PLCL1: variants seen among roughly 807,000 people sequenced by gnomAD.
PLCL1 encodes phospholipase C like 1 (inactive).
A neutral mutation model predicts 84.4 loss-of-function variants in PLCL1; 41 were observed. That is an observed-to-expected ratio of 0.49 (90% confidence interval 0.38 to 0.63). PLCL1 has a LOEUF of 0.63. Ranked by LOEUF, PLCL1 falls within the 30% of genes least tolerant of loss-of-function variation. The pLI is 0.00. For synonymous variants in PLCL1, 490 were observed against 488.3 expected, an observed-to-expected ratio of 1.00 and a Z score of -0.05; for missense variants, 1,206 against 1,367.8, an observed-to-expected ratio of 0.88 and a Z score of 1.87.
At chr2:197,825,545 A>T (rs925686545) in intron 1 of PLCL1, among the ~76,000 whole-genome samples, 11 of 152,170 alleles carry the variant, frequency 7.2e-5, no homozygotes, top group Non-Finnish European at 1.5e-4. Flanking sequence ...AGTGCTAAGC[A>T]TGTACTTGAT....
chr2:198,101,386 GTT>G, intron 4 of PLCL1, 26 bp downstream of exon 4: 1 of 1,104,980 alleles, frequency 9.0e-7, no homozygotes. Context: ...TTTTTTTTCT[GTT>G]TTTTTTTTCT....
At chr2:198,050,827 C>T (rs764707190) in intron 1 of PLCL1, among the ~76,000 whole-genome samples, 3 of 152,146 alleles carry the variant, frequency 2.0e-5, no homozygotes, top group Non-Finnish European at 4.4e-5. Context: ...TCTCCCATAT[C>T]CAAAAGAACA....
chr2:198,101,377 T>C lies in PLCL1; in HGVS notation c.2995+17T>C. The C allele has an allele frequency of 7.4e-7, 1 of 1,346,104 alleles. No individual in the cohort carries two copies. The highest frequency in any genetic ancestry group is 1.0e-6 in the Non-Finnish European group (1 of 966,376). 83.4% of individuals were successfully genotyped at this position (1,346,104 alleles called of 1,614,324 possible). A position where few individuals can be genotyped will look rare whatever the true frequency, so the allele number is the denominator to read the frequency against. ...AGAAAGCAGGTAATTGTTTTTAATT[T>C]TTTTTTCTGTTTTTTTTTTCTATTT... On this transcript the variant is annotated intron_variant, in intron 4 of 5. Coordinates refer to ENST00000428675, the MANE Select transcript of PLCL1 (RefSeq NM_006226.4).
In PLCL1 at chr2:197,974,686, C is replaced by T. The variant is rs185756337; in HGVS notation, c.241-109072C>T. 1.4e-4 allele frequency among the ~76,000 whole-genome samples: 21 copies of T among 152,354 alleles called. No homozygotes were observed. The East Asian group carries it at 2.3e-3, about 17-fold the overall frequency. On this transcript the variant is annotated intron_variant, in intron 1 of 5. Coordinates refer to ENST00000428675, the MANE Select transcript of PLCL1 (RefSeq NM_006226.4). ...TGCAGAGTTTAATTCAGAATTTTCA[C>T]TCTTGTTCATTGCTAAGCTCATGGC...
At chr2:197,841,666 G>A (rs1687006031) in intron 1 of PLCL1, among the ~76,000 whole-genome samples, 1 of 152,208 alleles carries the variant, frequency 6.6e-6, no homozygotes. Flanking sequence ...GCATGAAACT[G>A]CTATAAACAT....
At chr2:198,124,663 G>A (rs202082852) in intron 5 of PLCL1, among the ~76,000 whole-genome samples, 1 of 152,014 alleles carries the variant, frequency 6.6e-6, no homozygotes, top group African/African-American at 2.4e-5. Flanking sequence ...ACAAAATCTT[G>A]CTTTGGCCGG....
intron 1 of PLCL1, among the ~76,000 whole-genome samples, chr2:197,922,608 A>AC (rs1302237229): frequency 3.0e-5 from 4 of 132,054 alleles, no homozygotes; most frequent in Non-Finnish European, 4.9e-5. Flanking sequence ...GGCGCCCCTC[A>AC]CCTCCCGGAC....
At chr2:197,806,727 T>C (rs570202630) in intron 1 of PLCL1, among the ~76,000 whole-genome samples, 2 of 152,288 alleles carry the variant, frequency 1.3e-5, no homozygotes, top group East Asian at 3.9e-4. Flanking sequence ...ACATCACAAT[T>C]AGGAAACACA....
intron 1 of PLCL1, among the ~76,000 whole-genome samples, chr2:198,023,414 T>G (rs1050456795): frequency 6.6e-6 from 1 of 152,130 alleles, no homozygotes; most frequent in Non-Finnish European, 1.5e-5. Context: ...CTAATTAAAC[T>G]AAAGAGCTTC....
intron 1 of PLCL1, among the ~76,000 whole-genome samples, chr2:197,813,408 C>T (rs999487915): frequency 3.3e-5 from 5 of 151,920 alleles, no homozygotes; most frequent in Non-Finnish European, 5.9e-5. Flanking sequence ...CCCCTAGAGG[C>T]GTATATAAAA....
At chr2:197,915,726 G>A (rs1438001731) in intron 1 of PLCL1, among the ~76,000 whole-genome samples, 3 of 152,120 alleles carry the variant, frequency 2.0e-5, no homozygotes, top group Admixed American at 6.5e-5. Flanking sequence ...ATGAGGCACC[G>A]ATACCCTATT....
chr2:197,808,421 C>A (rs2106413174), intron 1 of PLCL1, among the ~76,000 whole-genome samples: 1 of 152,182 alleles, frequency 6.6e-6, no homozygotes, highest in Non-Finnish European at 1.5e-5. Context: ...AAACTTATAG[C>A]ATTTAAAATA....
chr2:197,874,391 A>G (rs1297917690), intron 1 of PLCL1, among the ~76,000 whole-genome samples: 2 of 152,118 alleles, frequency 1.3e-5, no homozygotes, highest in Non-Finnish European at 2.9e-5. Flanking sequence ...AAATAAAAAT[A>G]ATTAATAATC....
chr2:197,944,969 CA>C (rs1689242765), intron 1 of PLCL1, among the ~76,000 whole-genome samples: 1 of 152,132 alleles, frequency 6.6e-6, no homozygotes, highest in African/African-American at 2.4e-5. Flanking sequence ...GTAACAAGAG[CA>C]AAAGTATCTT....
rs147854527 is a variant in PLCL1, at chr2:198,085,608, G to A, written c.2091G>A (p.Pro697=). 1.7e-5 allele frequency: 27 copies of A among 1,614,064 alleles called. No individual in the cohort carries two copies. In the East Asian group the frequency reaches 4.2e-4, roughly 25 times the overall value. Residue 697 remains proline (P), a synonymous_variant, in exon 2 of 6, where the codon CCG becomes CCA. Transcript: ENST00000428675. The surrounding 1 kb of genome is among the most constrained non-coding windows in gnomAD (Gnocchi z 5.3). Reference sequence around the variant, plus strand: ...GGGGATGTGGTTATGTTCTAAGGCCGTCTATAATGCGAGATGAAGTTTCTT... The same window carrying A: ...GGGGATGTGGTTATGTTCTAAGGCCATCTATAATGCGAGATGAAGTTTCTT... ...QNGGCGYVLR[P]SIMRDEVSYF... is the part of the protein sequence containing the mutation.
At chr2:198,057,414 T>C (rs778001195) in intron 1 of PLCL1, among the ~76,000 whole-genome samples, 1 of 152,092 alleles carries the variant, frequency 6.6e-6, no homozygotes. Context: ...TTTGTACACA[T>C]TGTTTCATTT....
chr2:197,966,536 A>G (rs73056890), intron 1 of PLCL1, among the ~76,000 whole-genome samples: 27,399 of 152,014 alleles, frequency 0.18, 2,548 homozygotes, highest in East Asian at 0.27. Flanking sequence ...ACTGAGTTTC[A>G]GTGTAAAGTC....
chr2:198,009,016 A>G (rs1244442064), intron 1 of PLCL1, among the ~76,000 whole-genome samples: 1 of 151,904 alleles, frequency 6.6e-6, no homozygotes, highest in Non-Finnish European at 1.5e-5. Context: ...GAGAAATGTC[A>G]GTTTAAGTTC....
intron 1 of PLCL1, among the ~76,000 whole-genome samples, chr2:198,073,362 T>A (rs1460486215): frequency 1.3e-5 from 2 of 152,176 alleles, no homozygotes; most frequent in Admixed American, 1.3e-4. Flanking sequence ...ATCTGCCATC[T>A]GTTCCTTGAA....
Sources: gnomAD v4.1 joint callset for allele counts (sites outside exome capture counted in the v4.1 genomes callset) on GRCh38, gnomAD v4.1.1 for gene constraint, Gnocchi (gnomAD v3.1) non-coding constraint, MANE v1.5 for transcripts, NCBI Gene and HGNC (gene_info 2026-07-23, HGNC 2026-07-21) for gene names.